Variants in SMARCAL1 observed in about 807,000 individuals in gnomAD.
SMARCAL1 encodes ATP-driven annealing helicase.
In SMARCAL1, 58 loss-of-function variants were observed where a neutral mutation model predicts 94.5. The observed-to-expected ratio is 0.61, with a 90% CI of 0.50 to 0.76. SMARCAL1 has a LOEUF of 0.76. Ranked by LOEUF, SMARCAL1 falls within the 30% of genes least tolerant of loss-of-function variation. SMARCAL1 has a pLI of 0.00. For missense variants in SMARCAL1, 1,051 were observed against 1,177.9 expected, an observed-to-expected ratio of 0.89 and a Z score of 1.58; for synonymous variants, 422 against 455.1, an observed-to-expected ratio of 0.93 and a Z score of 0.93.
rs192633792 is a variant in SMARCAL1 at position 216,418,126 on chromosome 2, C to T, written c.862+1819C>T. On this transcript the variant is annotated intron_variant, in intron 4 of 17. Transcript: ENST00000357276. ...AGAGATGGGGCTTCCTCCATGTTGG[C>T]CAGGCTGGTCTTGAACCCCTGACCT... is the stretch of plus-strand genomic sequence containing the variant. 5.3e-5 allele frequency among the ~76,000 whole-genome samples: 8 copies of T among 152,152 alleles called. No homozygotes were observed. The East Asian group carries it at 1.5e-3, about 29-fold the overall frequency.
At chr2:216,445,247 A>G (rs977731544) in intron 10 of SMARCAL1, among the ~76,000 whole-genome samples, 2 of 152,184 alleles carry the variant, frequency 1.3e-5, no homozygotes, top group African/African-American at 2.4e-5. Context: ...GTGATGACAT[A>G]CACACATGTT....
chr2:216,449,091 T>C (rs1694384781), intron 11 of SMARCAL1, among the ~76,000 whole-genome samples: 1 of 152,194 alleles, frequency 6.6e-6, no homozygotes, highest in Non-Finnish European at 1.5e-5. Flanking sequence ...CTTCATAACA[T>C]GGCAGAAGGC....
intron 12 of SMARCAL1, among the ~76,000 whole-genome samples, chr2:216,463,511 T>G (rs991002831): frequency 1.3e-5 from 2 of 152,076 alleles, no homozygotes; most frequent in East Asian, 3.9e-4. Context: ...TTTCAGATTA[T>G]GAATTTTGGG....
chr2:216,429,760 C>T (rs1488543231), intron 7 of SMARCAL1, among the ~76,000 whole-genome samples: 1 of 151,532 alleles, frequency 6.6e-6, no homozygotes, highest in African/African-American at 2.4e-5. Context: ...CTCGGTGTGC[C>T]GTTTGGGCAC....
At chr2:216,432,936 G>C (rs1001505275) in intron 8 of SMARCAL1, 68 bp downstream of exon 8, 12 of 1,591,412 alleles carry the variant, frequency 7.5e-6, no homozygotes, top group African/African-American at 2.7e-5. Flanking sequence ...ATAAAATAAT[G>C]GTTTGCAGAC....
At chr2:216,452,682 T>C (rs879928555) in intron 12 of SMARCAL1, among the ~76,000 whole-genome samples, 1 of 152,278 alleles carries the variant, frequency 6.6e-6, no homozygotes, top group Non-Finnish European at 1.5e-5. Context: ...GCACATTAAC[T>C]TGTTGAAACA....
intron 13 of SMARCAL1, among the ~76,000 whole-genome samples, chr2:216,465,869 T>C (rs112023352): frequency 3.3e-5 from 5 of 152,238 alleles, no homozygotes; most frequent in African/African-American, 1.2e-4. Flanking sequence ...CACCTACCTC[T>C]CCACACCCTC....
rs1553535161 is a variant in SMARCAL1 at position 216,478,244 on chromosome 2, G to A, written c.2570G>A (p.Gly857Glu). The change falls in exon 17 of 18, where the codon GGG becomes GAG. Residue 857 changes from glycine to glutamate, a missense_variant. Physicochemically the swap from Gly to Glu is moderately conservative, Grantham distance 98. This residue lies in a region of SMARCAL1 where 642 missense variants were observed against 754.7 expected (regional missense o/e 0.85). Transcript: ENST00000357276. ...QEKIKVLAEAGLSETNFSEMT... is the reference protein window; with the variant it reads ...QEKIKVLAEAELSETNFSEMT... The stretch of plus-strand genomic sequence containing the variant: ...AAGATTAAAGTTCTGGCAGAAGCCG[G>A]GCTTTCTGAGACCAATTTTTCAGAA... The A allele has an allele frequency of 3.1e-6, 5 of 1,614,046 alleles. No individual in the cohort carries two copies. The highest frequency in any genetic ancestry group is 4.2e-6 in the Non-Finnish European group (5 of 1,180,032).
chr2:216,424,293 A>G (rs1020028689), intron 6 of SMARCAL1, among the ~76,000 whole-genome samples: 1 of 152,222 alleles, frequency 6.6e-6, no homozygotes, highest in Non-Finnish European at 1.5e-5. Context: ...TTTTGCTTAG[A>G]TGGGGCAATA....
rs759506518 is a variant in SMARCAL1, at chr2:216,447,149, T to C, written c.1842T>C (p.Asp614=). 3.7e-6 allele frequency: 6 copies of C among 1,614,092 alleles called. 1 individual carries two copies. Among genetic ancestry groups the C allele is most frequent in the Admixed American group, 3.3e-5 (2 of 60,018 alleles). ...ATGCCTTTGGACTTCGCTACTGTGA[T>C]GCCAAACGGGTATGTATTATCTCTT... ...QFHAFGLRYC[D]AKRMPWGWDY... The change falls in exon 11 of 18, where the codon GAT becomes GAC. Residue 614 remains aspartate, a synonymous_variant. Transcript: ENST00000357276.
chr2:216,424,148 G>A (rs950261116), intron 6 of SMARCAL1, among the ~76,000 whole-genome samples: 4 of 152,202 alleles, frequency 2.6e-5, no homozygotes, highest in African/African-American at 9.7e-5. Flanking sequence ...TCTGTTTGGG[G>A]CAGAAGTCAA....
chr2:216,415,656 G>A (rs985592785), intron 3 of SMARCAL1, 141 bp downstream of exon 3: 44 of 804,374 alleles, frequency 5.5e-5, no homozygotes, highest in Non-Finnish European at 8.5e-5. Context: ...TTCAATTTTA[G>A]CTTGTTTCCC....
intron 14 of SMARCAL1, among the ~76,000 whole-genome samples, chr2:216,468,298 CT>C (rs1243137752): frequency 6.6e-6 from 1 of 152,216 alleles, no homozygotes; most frequent in Non-Finnish European, 1.5e-5. Flanking sequence ...CTCCCAGGGG[CT>C]GTTCCATTAT....
At chr2:216,478,431 T>C (rs999470830) in intron 17 of SMARCAL1, 132 bp downstream of exon 17, 3 of 749,764 alleles carry the variant, frequency 4.0e-6, no homozygotes, top group Non-Finnish European at 7.2e-6. Context: ...CTGAAAACAA[T>C]GGCCTGCAGT....
At chr2:216,452,994 C>T (rs568862712) in intron 12 of SMARCAL1, among the ~76,000 whole-genome samples, 2 of 152,230 alleles carry the variant, frequency 1.3e-5, no homozygotes, top group South Asian at 4.2e-4. Context: ...TTTATATTTT[C>T]TTGCTTAGAA....
chr2:216,439,358 A>G (rs974903670), intron 10 of SMARCAL1, among the ~76,000 whole-genome samples: 7 of 151,852 alleles, frequency 4.6e-5, no homozygotes, highest in African/African-American at 1.5e-4. Flanking sequence ...CTATTATTGT[A>G]AGAGGGAAGG....
rs754712669 is a variant in SMARCAL1, at chr2:216,420,344, A to G, written c.908A>G (p.Glu303Gly). 2 of 1,614,110 alleles carry G rather than the reference A, an allele frequency of 1.2e-6. No individual in the cohort carries two copies. The highest frequency in any genetic ancestry group is 1.1e-5 in the South Asian group (1 of 91,080). ...SLPTVNLQPL[E>G]WAYGSSESPS... ...CCCACGGTCAACCTGCAGCCTCTGG[A>G]ATGGGCCTATGGCAGCAGCGAGTCA... Residue 303 changes from glutamate (E) to glycine (G), a missense_variant, in exon 5 of 18, where the codon GAA becomes GGA. By Grantham distance (98) the Glu-to-Gly change is moderately conservative (BLOSUM62 -2). This residue lies in a region of SMARCAL1 where 398 missense variants were observed against 395.2 expected (regional missense o/e 1.01). Transcript: ENST00000357276.
At chr2:216,428,832 C>T (rs764452352) in intron 7 of SMARCAL1, 50 bp downstream of exon 7, 2 of 1,503,490 alleles carry the variant, frequency 1.3e-6, no homozygotes, top group East Asian at 4.5e-5. Context: ...AATTTCATTA[C>T]TCACCACAGA....
intron 12 of SMARCAL1, among the ~76,000 whole-genome samples, chr2:216,457,449 C>T (rs1184204295): frequency 6.6e-6 from 1 of 152,202 alleles, no homozygotes; most frequent in African/African-American, 2.4e-5. Context: ...GTAAAGCACT[C>T]CTCAGCAAAT....
Sources: gnomAD v4.1 joint callset for allele counts (sites outside exome capture counted in the v4.1 genomes callset) on GRCh38, gnomAD v4.1.1 for gene constraint, gnomAD v4.1.1 regional missense constraint, MANE v1.5 for transcripts, NCBI Gene and HGNC (gene_info 2026-07-23, HGNC 2026-07-21) for gene names.